The following HMBOX1 variants were observed in gnomAD, a reference collection of about 807,000 sequenced individuals.
HMBOX1 encodes homeobox-containing protein 1.
HMBOX1 carries 14 observed loss-of-function variants against 54.5 expected under a neutral mutation model. The ratio of observed to expected loss-of-function variants is 0.26; its 90% CI spans 0.17 to 0.40. The LOEUF is 0.40. Among genes scored for constraint, HMBOX1 ranks in the 10% least tolerant of loss-of-function variants. The probability of loss-of-function intolerance (pLI) is 1.00; values close to 1 mark genes in which losing one functional copy is unlikely to be tolerated. For missense variants in HMBOX1, 332 were observed against 514.4 expected (o/e 0.65, Z 3.43); for synonymous variants, 160 against 181.0 (o/e 0.88, Z 0.93).
chr8:28,960,292 G>A (rs1376248231), intron 1 of HMBOX1, among the ~76,000 whole-genome samples: 2 of 143,906 alleles, frequency 1.4e-5, no homozygotes, highest in Non-Finnish European at 2.9e-5. Flanking sequence ...GTATTGTTAT[G>A]TTGGTCATAA....
intron 4 of HMBOX1, among the ~76,000 whole-genome samples, chr8:28,987,642 G>A (rs1830361026): frequency 6.6e-6 from 1 of 152,132 alleles, no homozygotes; most frequent in Admixed American, 6.5e-5. Context: ...CTCAGAGTGA[G>A]ACCTTAAATC....
At chr8:28,980,626 T>C (rs1232257201) in intron 4 of HMBOX1, among the ~76,000 whole-genome samples, 1 of 152,156 alleles carries the variant, frequency 6.6e-6, no homozygotes, top group African/African-American at 2.4e-5. Flanking sequence ...AGAGTCACCA[T>C]TGTCTTCTCT....
At position 29,014,336 on chromosome 8, in the gene HMBOX1, T is replaced by A. The variant is rs114098570; in HGVS notation, c.698-4424T>A. On this transcript the variant is annotated intron_variant, in intron 5 of 9. Transcript: ENST00000287701. ...TGTTAGGACCTTAGCCAACCCAGAA[T>A]TCCTGTATTTTACTTCAGAGGAGTT... Among the ~76,000 whole-genome samples the A allele has an allele frequency of 2.2e-3, 333 of 152,276 alleles. 1 individual carries two copies. The highest frequency in any genetic ancestry group is 7.6e-3 in the African/African-American group (316 of 41,548).
chr8:28,956,955 A>G (rs1055278009), intron 1 of HMBOX1, among the ~76,000 whole-genome samples: 1 of 152,228 alleles, frequency 6.6e-6, no homozygotes, highest in East Asian at 1.9e-4. Flanking sequence ...ATCTCACACC[A>G]GTCAGAATGG....
At chr8:28,896,940 AT>A (rs373224922) in intron 1 of HMBOX1, among the ~76,000 whole-genome samples, 2,910 of 142,626 alleles carry the variant, frequency 0.02, 83 homozygotes, top group African/African-American at 0.07. Context: ...AAACATACCA[AT>A]TTTTTTTTTT....
chr8:28,914,562 A>G (rs1816155358), intron 1 of HMBOX1, among the ~76,000 whole-genome samples: 1 of 152,230 alleles, frequency 6.6e-6, no homozygotes, highest in Non-Finnish European at 1.5e-5. Flanking sequence ...TGATCAAGAC[A>G]AACATCTGTA....
rs1806423109 is a variant in HMBOX1 at position 29,051,523 on chromosome 8, C to G, written c.*368C>G. 2 of 702,918 alleles carry G rather than the reference C, an allele frequency of 2.8e-6. No homozygotes were observed. The highest frequency in any genetic ancestry group is 2.6e-6 in the Non-Finnish European group (1 of 384,938). 43.5% of individuals were successfully genotyped at this position (702,918 alleles called of 1,614,324 possible). On this transcript the variant is annotated 3_prime_UTR_variant, in exon 10 of 10. Transcript: ENST00000287701. Reference sequence around the variant, plus strand: ...TGGGTACCTTTAGATTCTTGTAACACTAGTCTGTACTCCCTTTTCCTTCCC... The same window carrying G: ...TGGGTACCTTTAGATTCTTGTAACAGTAGTCTGTACTCCCTTTTCCTTCCC...
chr8:28,898,853 C>T (rs1035146449), intron 1 of HMBOX1, among the ~76,000 whole-genome samples: 4 of 152,152 alleles, frequency 2.6e-5, no homozygotes, highest in African/African-American at 4.8e-5. Flanking sequence ...AAATGTCTAT[C>T]CTTATCCCGT....
At chr8:28,897,078 A>T (rs185875940) in intron 1 of HMBOX1, among the ~76,000 whole-genome samples, 362 of 150,548 alleles carry the variant, frequency 2.4e-3, no homozygotes, top group African/African-American at 8.1e-3. Context: ...TCTGCCACCC[A>T]GGTTCAAGTG....
intron 1 of HMBOX1, among the ~76,000 whole-genome samples, chr8:28,941,635 A>T (rs1286093199): frequency 6.6e-6 from 1 of 152,176 alleles, no homozygotes. Flanking sequence ...GTTGGTTCCC[A>T]GCAGAGCCTT....
chr8:28,930,171 T>G lies in HMBOX1; in HGVS notation c.-57-33640T>G, dbSNP rs953921146. Among the ~76,000 whole-genome samples the G allele has an allele frequency of 2.5e-4, 38 of 152,064 alleles. 1 individual carries two copies. The highest frequency in any genetic ancestry group is 2.2e-3 in the Admixed American group (33 of 15,272). The stretch of plus-strand genomic sequence containing the variant: ...ACTCATATGTCTGAACCAGACTCTT[T>G]ACTACTAAAAACAGCTCCTCCCCAT... On this transcript the variant is annotated intron_variant, in intron 1 of 9. Coordinates refer to ENST00000287701, the MANE Select transcript of HMBOX1 (RefSeq NM_001135726.3).
At chr8:28,911,982 C>G (rs920479585) in intron 1 of HMBOX1, among the ~76,000 whole-genome samples, 13 of 152,156 alleles carry the variant, frequency 8.5e-5, no homozygotes, top group Non-Finnish European at 1.8e-4. Context: ...ATTTTGACTT[C>G]TTTCCCAACT....
At chr8:28,932,206 A>G (rs1002358200) in intron 1 of HMBOX1, among the ~76,000 whole-genome samples, 9 of 152,342 alleles carry the variant, frequency 5.9e-5, no homozygotes, top group African/African-American at 2.2e-4. Flanking sequence ...AAAGACGGCA[A>G]CTGTGCCTAG....
At position 28,890,564 on chromosome 8, in the gene HMBOX1, A is replaced by C. The variant is rs1322141281; in HGVS notation, c.-172A>C. On this transcript the variant is annotated 5_prime_UTR_variant, in exon 1 of 10. Transcript: ENST00000287701. The stretch of plus-strand genomic sequence containing the variant: ...CCAGTCCCCTCCCGACGGGCGCCCC[A>C]CGCGGAAGACACCCCTCCCCCTCCC... The C allele has an allele frequency of 1.3e-5, 2 of 151,702 alleles. No homozygotes were observed. The highest frequency in any genetic ancestry group is 1.5e-5 in the Non-Finnish European group (1 of 67,854). The allele number at this position is 151,702 out of a possible 1,614,324, so 9.4% of individuals were successfully genotyped here.
At chr8:28,993,836 G>A (rs533748849) in intron 4 of HMBOX1, among the ~76,000 whole-genome samples, 2 of 152,064 alleles carry the variant, frequency 1.3e-5, no homozygotes, top group Admixed American at 1.3e-4. Context: ...TTATCTGCAA[G>A]AAAAAAATAC....
chr8:28,892,296 T>C (rs1811169240), intron 1 of HMBOX1, among the ~76,000 whole-genome samples: 1 of 152,228 alleles, frequency 6.6e-6, no homozygotes, highest in African/African-American at 2.4e-5. Context: ...GAAATTTGAA[T>C]TCTAAATTTT....
At chr8:28,922,030 C>A (rs1242322346) in intron 1 of HMBOX1, among the ~76,000 whole-genome samples, 2 of 152,072 alleles carry the variant, frequency 1.3e-5, no homozygotes, top group African/African-American at 4.8e-5. Flanking sequence ...AGGGAGGAGG[C>A]CAAACTTAAA....
At chr8:28,897,099 C>G (rs1812285449) in intron 1 of HMBOX1, among the ~76,000 whole-genome samples, 1 of 151,926 alleles carries the variant, frequency 6.6e-6, no homozygotes, top group South Asian at 2.1e-4. Context: ...ATTCTCCTGC[C>G]TCAGCCTTCC....
intron 3 of HMBOX1, among the ~76,000 whole-genome samples, chr8:28,977,332 A>T (rs896315185): frequency 6.6e-6 from 1 of 152,242 alleles, no homozygotes; most frequent in Non-Finnish European, 1.5e-5. Flanking sequence ...CTGAATAAAT[A>T]TTCTCTTAAA....
Sources: allele counts gnomAD v4.1 joint callset (sites outside exome capture counted in the v4.1 genomes callset), GRCh38; gene constraint gnomAD v4.1.1; transcripts MANE v1.5; gene names NCBI Gene and HGNC (gene_info 2026-07-23, HGNC 2026-07-21).